Variants in PTPN11 observed in about 807,000 individuals in gnomAD.
PTPN11 encodes the protein tyrosine-protein phosphatase non-receptor type 11.
In PTPN11, 6 loss-of-function variants were observed where a neutral mutation model predicts 78.8. That is an observed-to-expected ratio of 0.08 (90% CI 0.04 to 0.15). The LOEUF is 0.15. Among genes scored for constraint, PTPN11 ranks in the 10% least tolerant of loss-of-function variants. PTPN11 has a pLI of 1.00. For synonymous variants in PTPN11, 221 were observed against 263.5 expected (o/e 0.84, Z 1.56); for missense variants, 386 against 744.8 (o/e 0.52, Z 5.61).
At chr12:112,455,804 T>C in intron 5 of PTPN11, 146 bp from the exon 6 acceptor site, 1 of 651,528 alleles carries the variant, frequency 1.5e-6, no homozygotes, top group South Asian at 1.8e-5. Flanking sequence ...ATTTGAAAAC[T>C]TTTATTGTGA....
chr12:112,428,396 C>CT (rs11312766), intron 1 of PTPN11, among the ~76,000 whole-genome samples: 2,223 of 84,438 alleles, frequency 0.026, 58 homozygotes, highest in Admixed American at 0.037. Context: ...TGTGTGTTGT[C>CT]TTTTTTTTTT....
chr12:112,440,960 CTTTTCTTTTT>C (rs1444861797), intron 1 of PTPN11, among the ~76,000 whole-genome samples: 1 of 144,968 alleles, frequency 6.9e-6, no homozygotes, highest in Non-Finnish European at 1.5e-5. Context: ...TTTTTCTTTT[CTTTTCTTTTT>C]TTTTTTTTTT....
intron 1 of PTPN11, among the ~76,000 whole-genome samples, chr12:112,443,047 T>C (rs2037933797): frequency 6.6e-6 from 1 of 150,818 alleles, no homozygotes; most frequent in South Asian, 2.1e-4. Flanking sequence ...TGGCGTCTCA[T>C]TGCTCCAAAA....
intron 13 of PTPN11, among the ~76,000 whole-genome samples, chr12:112,492,903 C>A (rs2038767984): frequency 6.6e-6 from 1 of 152,074 alleles, no homozygotes; most frequent in African/African-American, 2.4e-5. Flanking sequence ...TGCCAAATGG[C>A]AATTTTCTGT....
chr12:112,502,042 C>T, intron 13 of PTPN11, 102 bp from the exon 14 acceptor site: 41 of 872,430 alleles, frequency 4.7e-5, no homozygotes, highest in Middle Eastern at 3.3e-4. Context: ...ATTTTTTTTT[C>T]TTTCTCCCTC....
chr12:112,486,347 G>C, intron 10 of PTPN11, 128 bp from the exon 11 acceptor site: 4 of 984,476 alleles, frequency 4.1e-6, no homozygotes, highest in Middle Eastern at 2.3e-4. Context: ...CTCACGAAGA[G>C]GACCTTTCAG....
intron 1 of PTPN11, among the ~76,000 whole-genome samples, chr12:112,436,927 TG>T (rs1162451643): frequency 1.3e-5 from 2 of 152,152 alleles, no homozygotes; most frequent in Non-Finnish European, 2.9e-5. Context: ...TGGTAATAAA[TG>T]GTAAAAATGG....
intron 6 of PTPN11, among the ~76,000 whole-genome samples, chr12:112,461,338 CTTTTT>C (rs559792080): frequency 1.4e-5 from 2 of 140,492 alleles, no homozygotes; most frequent in African/African-American, 5.2e-5. Context: ...TTTTCTTTTT[CTTTTT>C]TTTTTTTTTG....
rs972921731 is a variant in PTPN11, at chr12:112,486,795, T to A, written c.1379+166T>A. On this transcript the variant is annotated intron_variant, in intron 11 of 15. Transcript: ENST00000351677. ...AGGGACATTTTGATCCCAAGGCATA[T>A]TTCTCCTAGACCCTACAGCACTGCC... 8.1e-6 allele frequency: 12 copies of A among 1,488,980 alleles called. No homozygotes were observed. The African/African-American group carries it at 1.7e-4, about 21-fold the overall frequency. The allele number at this position is 1,488,980 out of a possible 1,614,324, so 92.2% of individuals were successfully genotyped here.
chr12:112,428,355 T>G (rs943105891), intron 1 of PTPN11, among the ~76,000 whole-genome samples: 38 of 151,794 alleles, frequency 2.5e-4, no homozygotes, highest in African/African-American at 9.2e-4. Context: ...TTGTGTCAAA[T>G]TATGCTAGGT....
chr12:112,478,101 G>A, intron 9 of PTPN11, 86 bp downstream of exon 9: 1 of 1,460,222 alleles, frequency 6.8e-7, no homozygotes, highest in Non-Finnish European at 9.5e-7. Context: ...TTGAATAAAT[G>A]AATTAAGCTT....
chr12:112,480,192 G>T (rs890488571), intron 9 of PTPN11, among the ~76,000 whole-genome samples: 7 of 152,112 alleles, frequency 4.6e-5, no homozygotes, highest in African/African-American at 1.7e-4. Flanking sequence ...TATAGTGACT[G>T]GGAGCAGTCC....
chr12:112,495,990 A>G (rs1270646755), intron 13 of PTPN11, among the ~76,000 whole-genome samples: 2 of 152,178 alleles, frequency 1.3e-5, no homozygotes, highest in Non-Finnish European at 2.9e-5. Flanking sequence ...AGTTCAGACC[A>G]TACTCAAGAA....
Position 112,486,999 on chromosome 12 carries a change from G to T in PTPN11, c.1379+370G>T, listed in dbSNP as rs533631869. 24 of 1,021,160 alleles carry T rather than the reference G, an allele frequency of 2.4e-5. No homozygotes were observed. The African/African-American group carries it at 3.7e-4, about 16-fold the overall frequency. The allele number at this position is 1,021,160 out of a possible 1,614,324, so 63.3% of individuals were successfully genotyped here. ...TGCTTTGTAGGTATTGAGGTGGTGG[G>T]GGTGTGGTGGAAATAGGCCTGACTC... is the stretch of plus-strand genomic sequence containing the variant. On this transcript the variant is annotated intron_variant, in intron 11 of 15. Transcript: ENST00000351677.
At chr12:112,449,710 A>G (rs191682841) in intron 2 of PTPN11, among the ~76,000 whole-genome samples, 19 of 152,320 alleles carry the variant, frequency 1.2e-4, no homozygotes, top group South Asian at 2.1e-4. Flanking sequence ...GTGTTTTGGT[A>G]GCTATACAGT....
Position 112,482,231 on chromosome 12 carries a change from A to G in PTPN11, c.1224+26A>G. On this transcript the variant is annotated intron_variant, in intron 10 of 15. Transcript: ENST00000351677. This position sits in a 1 kb window ranked among gnomAD's most constrained non-coding sequence, Gnocchi z 4.4. ...GTAAGTATATTGTCGTATTCTAGAG[A>G]CTTTGGGAACTGTTGATGGTGTGTA... 6.2e-7 allele frequency: 1 copy of G among 1,607,682 alleles called. No individual in the cohort carries two copies. The highest frequency in any genetic ancestry group is 8.5e-7 in the Non-Finnish European group (1 of 1,175,166).
chr12:112,478,782 G>A (rs1001444060), intron 9 of PTPN11, among the ~76,000 whole-genome samples: 14 of 152,024 alleles, frequency 9.2e-5, no homozygotes, highest in Non-Finnish European at 1.3e-4. Flanking sequence ...TGCCCAGGCC[G>A]GAGTGCAGTG....
intron 4 of PTPN11, among the ~76,000 whole-genome samples, chr12:112,453,704 C>T (rs2038112725): frequency 6.8e-6 from 1 of 146,232 alleles, no homozygotes. Flanking sequence ...TCATTTGAGA[C>T]TGGGTCTTGC....
chr12:112,460,776 C>T (rs1052964574), intron 6 of PTPN11, among the ~76,000 whole-genome samples: 1 of 152,118 alleles, frequency 6.6e-6, no homozygotes, highest in Non-Finnish European at 1.5e-5. Context: ...CAGAAGGTGG[C>T]AGTTGCAGTG....
Sources: allele counts gnomAD v4.1 joint callset (sites outside exome capture counted in the v4.1 genomes callset), GRCh38; gene constraint gnomAD v4.1.1; non-coding constraint Gnocchi (gnomAD v3.1); transcripts MANE v1.5; gene names NCBI Gene and HGNC (gene_info 2026-07-23, HGNC 2026-07-21).